The following RB1 variants were observed in gnomAD, a reference collection of about 807,000 sequenced individuals.
RB1 encodes retinoblastoma-associated protein.
RB1 carries 18 observed loss-of-function variants against 135.4 expected under a neutral mutation model. The observed-to-expected ratio is 0.13, with a 90% CI of 0.09 to 0.20. The LOEUF (loss-of-function observed/expected upper bound fraction) is 0.20. Among genes scored for constraint, RB1 ranks in the 10% least tolerant of loss-of-function variants. The pLI, the probability that RB1 is intolerant of heterozygous loss-of-function variation, is 1.00. For missense variants in RB1, 868 were observed against 1,110.0 expected (o/e 0.78, Z 3.10); for synonymous variants, 365 against 373.2 (o/e 0.98, Z 0.25).
intron 2 of RB1, among the ~76,000 whole-genome samples, chr13:48,323,198 C>T (rs1952256539): frequency 1.3e-5 from 2 of 151,954 alleles, no homozygotes; most frequent in African/African-American, 2.4e-5. Flanking sequence ...AGTCATTTTA[C>T]TTGTTATAGG....
At chr13:48,349,854 T>G (rs1290112988) in intron 6 of RB1, among the ~76,000 whole-genome samples, 2 of 151,964 alleles carry the variant, frequency 1.3e-5, no homozygotes, top group African/African-American at 4.8e-5. Flanking sequence ...AAAAATATAT[T>G]CCATGCCCAC....
chr13:48,405,945 C>T (rs1948735978), intron 17 of RB1, among the ~76,000 whole-genome samples: 1 of 151,998 alleles, frequency 6.6e-6, no homozygotes, highest in Admixed American at 6.6e-5. Context: ...GAAGTCATTC[C>T]ATATCAATTT....
rs1566179273 is a variant in RB1 at position 48,319,926 on chromosome 13, TG to T, written c.264+12526del. 5.8e-6 allele frequency: 2 copies of T among 341,982 alleles called. No individual in the cohort carries two copies. Among genetic ancestry groups the T allele is most frequent in the Non-Finnish European group, 5.6e-6 (1 of 177,574 alleles). The allele number at this position is 341,982 out of a possible 1,614,324, so 21.2% of individuals were successfully genotyped here. A position where few individuals can be genotyped will look rare whatever the true frequency, so the allele number is the denominator to read the frequency against. On this transcript the variant is annotated intron_variant, in intron 2 of 26. Transcript: ENST00000267163. The surrounding 1 kb of genome is among the most constrained non-coding windows in gnomAD (Gnocchi z 5.0). Reference sequence around the variant, plus strand: ...CACCACCTGAGCCAGGTACAAGTTTTGGGGGGACACACGGAAGTCGGGGCAC... The same window carrying T: ...CACCACCTGAGCCAGGTACAAGTTTTGGGGGACACACGGAAGTCGGGGCAC...
chr13:48,376,222 C>T (rs989129883), intron 12 of RB1, among the ~76,000 whole-genome samples: 29 of 151,838 alleles, frequency 1.9e-4, no homozygotes, highest in Admixed American at 1.7e-3. Context: ...GGAAATGGTC[C>T]GGGCATGGTG....
At chr13:48,457,407 A>G (rs1282882946) in intron 19 of RB1, among the ~76,000 whole-genome samples, 1 of 152,000 alleles carries the variant, frequency 6.6e-6, no homozygotes, top group Non-Finnish European at 1.5e-5. Context: ...TCTGGCTGAG[A>G]CTCGGGCTTC....
chr13:48,376,156 A>AT (rs1431566173), intron 12 of RB1, among the ~76,000 whole-genome samples: 2 of 152,120 alleles, frequency 1.3e-5, no homozygotes, highest in Admixed American at 1.3e-4. Context: ...ATTTCTGAAA[A>AT]TGTAATCAAA....
At chr13:48,412,360 A>G (rs1373039146) in intron 17 of RB1, 1 of 1,613,844 alleles carries the variant, frequency 6.2e-7, no homozygotes, top group Non-Finnish European at 8.5e-7. Flanking sequence ...CTGAACATGC[A>G]CCCATACAAA....
At chr13:48,386,408 C>T (rs1029344788) in intron 17 of RB1, among the ~76,000 whole-genome samples, 3 of 151,124 alleles carry the variant, frequency 2.0e-5, no homozygotes, top group African/African-American at 7.3e-5. Context: ...TTTTAATATT[C>T]AATGTGATGA....
Position 48,464,979 on chromosome 13 carries a change from T to TAA in RB1, c.2212-19_2212-18insAA. Reference sequence around the variant, plus strand: ...TTTACTTTTTTTTTTTTTTTTTTTTTTTTACTGTTCTTCCTCAGACATTCA... The same window carrying TAA: ...TTTACTTTTTTTTTTTTTTTTTTTTTAATTTACTGTTCTTCCTCAGACATTCA... On this transcript the variant is annotated intron_variant, in intron 21 of 26. Coordinates refer to ENST00000267163, the MANE Select transcript of RB1 (RefSeq NM_000321.3). 3 of 1,473,130 alleles carry TAA rather than the reference T, an allele frequency of 2.0e-6. No homozygotes were observed. Among genetic ancestry groups the TAA allele is most frequent in the Non-Finnish European group, 2.7e-6 (3 of 1,103,196 alleles). 91.3% of individuals were successfully genotyped at this position (1,473,130 alleles called of 1,614,324 possible).
At chr13:48,463,033 G>A (rs905155407) in intron 20 of RB1, among the ~76,000 whole-genome samples, 2 of 152,178 alleles carry the variant, frequency 1.3e-5, no homozygotes, top group Non-Finnish European at 2.9e-5. Flanking sequence ...GCAATAGTAG[G>A]TAAGAGCAAG....
rs1221083355 is a variant in RB1, at chr13:48,328,105, G to A, written c.265-14494G>A. 6.6e-5 allele frequency: 61 copies of A among 929,548 alleles called. No homozygotes were observed. The East Asian group carries it at 1.0e-3, about 16-fold the overall frequency. The allele number at this position is 929,548 out of a possible 1,614,324, so 57.6% of individuals were successfully genotyped here. A position where few individuals can be genotyped will look rare whatever the true frequency, so the allele number is the denominator to read the frequency against. ...TAATTGTCTTGGTCATAGACATTTCGAAGATGAGATTTTATATTCCACTCC... is the reference window on the plus strand; with the variant it reads ...TAATTGTCTTGGTCATAGACATTTCAAAGATGAGATTTTATATTCCACTCC... On this transcript the variant is annotated intron_variant, in intron 2 of 26. Transcript: ENST00000267163.
intron 2 of RB1, chr13:48,317,459 C>A: frequency 2.4e-6 from 1 of 422,956 alleles, no homozygotes; most frequent in South Asian, 2.5e-5. Context: ...CTTTCAGCTT[C>A]CTGGCTAGGG....
intron 8 of RB1, 108 bp from the exon 9 acceptor site, chr13:48,364,786 A>T: frequency 7.9e-7 from 1 of 1,260,750 alleles, no homozygotes; most frequent in Non-Finnish European, 1.1e-6. Context: ...CAGATTTTTT[A>T]CTGCATGGGG....
intron 2 of RB1, among the ~76,000 whole-genome samples, chr13:48,332,250 T>C (rs1952344155): frequency 6.6e-6 from 1 of 152,184 alleles, no homozygotes; most frequent in South Asian, 2.1e-4. Context: ...GAGATGTTTG[T>C]CAAAGGGTAC....
At chr13:48,333,887 A>G (rs1312303053) in intron 2 of RB1, among the ~76,000 whole-genome samples, 2 of 151,984 alleles carry the variant, frequency 1.3e-5, no homozygotes, top group African/African-American at 4.8e-5. Flanking sequence ...TGCCTTCAGG[A>G]TGCTTACATA....
intron 2 of RB1, among the ~76,000 whole-genome samples, chr13:48,338,186 T>C (rs999814601): frequency 6.6e-6 from 1 of 152,184 alleles, no homozygotes; most frequent in Non-Finnish European, 1.5e-5. Context: ...GGAGTATCTT[T>C]GTGGCATTCT....
intron 2 of RB1, among the ~76,000 whole-genome samples, chr13:48,333,403 G>C (rs1952353823): frequency 6.6e-6 from 1 of 152,166 alleles, no homozygotes; most frequent in Non-Finnish European, 1.5e-5. Context: ...AAGCTAATTA[G>C]TAGCCCTTTG....
chr13:48,321,065 C>G lies in RB1; in HGVS notation c.264+13659C>G, dbSNP rs77631359. On this transcript the variant is annotated intron_variant, in intron 2 of 26. Transcript: ENST00000267163. The stretch of plus-strand genomic sequence containing the variant: ...CCCAAGGATAAGGCCTTTATCACTC[C>G]GACGCATCCTCTCTCTGCTTTTTAA... 6.5e-3 allele frequency among the ~76,000 whole-genome samples: 991 copies of G among 152,150 alleles called. 15 individuals are homozygous for G. The highest frequency in any genetic ancestry group is 0.023 in the African/African-American group (945 of 41,536).
intron 17 of RB1, among the ~76,000 whole-genome samples, chr13:48,440,905 T>C (rs551469040): frequency 4.6e-5 from 7 of 152,322 alleles, no homozygotes; most frequent in African/African-American, 7.2e-5. Flanking sequence ...GAATGCCCTA[T>C]ATTGTAATAT....
Sources: allele counts gnomAD v4.1 joint callset (sites outside exome capture counted in the v4.1 genomes callset), GRCh38; gene constraint gnomAD v4.1.1; non-coding constraint Gnocchi (gnomAD v3.1); transcripts MANE v1.5; gene names NCBI Gene and HGNC (gene_info 2026-07-23, HGNC 2026-07-21).